CMYA5: variants seen among roughly 807,000 people sequenced by gnomAD.
The protein encoded by CMYA5 is cardiomyopathy associated 5.
In CMYA5, 246 loss-of-function variants were observed where a neutral mutation model predicts 318.9. The ratio of observed to expected loss-of-function variants is 0.77; its 90% CI spans 0.70 to 0.86. CMYA5 has a LOEUF of 0.86. CMYA5 is among the 40% of genes least tolerant of loss of function. The pLI is 0.00. For missense variants in CMYA5, 4,589 were observed against 4,678.2 expected (o/e 0.98, Z 0.56); for synonymous variants, 1,641 against 1,729.5 (o/e 0.95, Z 1.27).
Position 79,799,595 on chromosome 5 carries a change from G to A in CMYA5, c.12189G>A (p.Pro4063=), listed in dbSNP as rs372178595. 111 of 1,612,858 alleles carry A rather than the reference G, an allele frequency of 6.9e-5. No individual in the cohort carries two copies. The African/African-American group carries it at 1.2e-3, about 17-fold the overall frequency. Reference sequence around the variant, plus strand: ...CTTTGCACCTGGGGATAGAGCCCCCGGATTCTGTAAGGCACAAGTGATCCT... The same window carrying A: ...CTTTGCACCTGGGGATAGAGCCCCCAGATTCTGTAAGGCACAAGTGATCCT... ...KCTLHLGIEP[P]DSVRHK The change falls in exon 13 of 13, where the codon CCG becomes CCA. Residue 4063 remains proline (P), a synonymous_variant. Transcript: ENST00000446378.
chr5:79,742,255 T>C (rs1828231808), intron 2 of CMYA5, among the ~76,000 whole-genome samples: 1 of 151,340 alleles, frequency 6.6e-6, no homozygotes, highest in Non-Finnish European at 1.5e-5. Context: ...AGCGGCGTGA[T>C]CATCATAGCT....
At chr5:79,754,008 C>T (rs1003123089) in intron 6 of CMYA5, among the ~76,000 whole-genome samples, 2 of 152,070 alleles carry the variant, frequency 1.3e-5, no homozygotes, top group Admixed American at 6.6e-5. Flanking sequence ...AATGAGAGGA[C>T]GTTTAATATA....
chr5:79,716,703 A>G (rs562200020), intron 1 of CMYA5, among the ~76,000 whole-genome samples: 2 of 152,366 alleles, frequency 1.3e-5, no homozygotes, highest in East Asian at 3.9e-4. Flanking sequence ...ACAAACAACA[A>G]CTAAAACTAA....
Position 79,736,039 on chromosome 5 carries a change from G to A in CMYA5, c.7274G>A (p.Ser2425Asn). The A allele has an allele frequency of 1.2e-6, 2 of 1,612,852 alleles. No individual in the cohort carries two copies. Among genetic ancestry groups the A allele is most frequent in the South Asian group, 2.2e-5 (2 of 90,618 alleles). ...EESKGSLIDFSEDRLKKEMQN... is the reference protein window; with the variant it reads ...EESKGSLIDFNEDRLKKEMQN... The stretch of plus-strand genomic sequence containing the variant: ...TCAAAAGGCAGTTTAATTGATTTCA[G>A]TGAAGACAGACTCAAGAAAGAAATG... The change falls in exon 2 of 13, where the codon AGT becomes AAT. Residue 2425 changes from serine to asparagine, a missense_variant. By Grantham distance (46) the Ser-to-Asn change is conservative. Transcript: ENST00000446378.
intron 1 of CMYA5, among the ~76,000 whole-genome samples, chr5:79,718,567 A>G (rs1827563562): frequency 1.3e-5 from 2 of 152,200 alleles, no homozygotes; most frequent in South Asian, 4.1e-4. Flanking sequence ...TTGAGAGAAT[A>G]AAGCATCATG....
Position 79,799,756 on chromosome 5 carries a change from T to C in CMYA5, c.*140T>C, listed in dbSNP as rs2151102719. 1 of 1,149,662 alleles carries C rather than the reference T, an allele frequency of 8.7e-7. No individual in the cohort carries two copies. The highest frequency in any genetic ancestry group is 1.7e-5 in the South Asian group (1 of 57,914). The allele number at this position is 1,149,662 out of a possible 1,614,324, so 71.2% of individuals were successfully genotyped here. ...ATGGCTGCATGCATAGCAATCAGCATGTGAGCAAAATCGACAAGAAAACCT... is the reference window on the plus strand; with the variant it reads ...ATGGCTGCATGCATAGCAATCAGCACGTGAGCAAAATCGACAAGAAAACCT... On this transcript the variant is annotated 3_prime_UTR_variant, in exon 13 of 13. Transcript: ENST00000446378.
In CMYA5 at chr5:79,729,423, G is replaced by T; in HGVS notation, c.658G>T (p.Val220Phe). 1 of 1,613,684 alleles carries T rather than the reference G, an allele frequency of 6.2e-7. No homozygotes were observed. The highest frequency in any genetic ancestry group is 8.5e-7 in the Non-Finnish European group (1 of 1,179,666). ...KEHKPLVLRP[V>F]YIGTVQYKIK... Reference sequence around the variant, plus strand: ...ACACAAGCCATTAGTGTTAAGACCAGTCTACATAGGAACAGTACAATATAA... The same window carrying T: ...ACACAAGCCATTAGTGTTAAGACCATTCTACATAGGAACAGTACAATATAA... Residue 220 changes from valine (V) to phenylalanine (F), a missense_variant, in exon 2 of 13, where the codon GTC becomes TTC. Physicochemically the swap from Val to Phe is conservative, Grantham distance 50. Coordinates refer to ENST00000446378, the MANE Select transcript of CMYA5 (RefSeq NM_153610.5).
intron 12 of CMYA5, among the ~76,000 whole-genome samples, chr5:79,798,299 G>T (rs1211573292): frequency 6.6e-6 from 1 of 151,874 alleles, no homozygotes; most frequent in Admixed American, 6.6e-5. Flanking sequence ...AACTGCCCTG[G>T]TGTTGCTGTG....
intron 6 of CMYA5, among the ~76,000 whole-genome samples, chr5:79,757,106 A>T (rs1471658483): frequency 2.6e-5 from 4 of 151,620 alleles, no homozygotes; most frequent in Non-Finnish European, 5.9e-5. Flanking sequence ...CAGGCAGCAG[A>T]ATTGATTGAA....
At chr5:79,758,953 A>C in intron 7 of CMYA5, 51 bp downstream of exon 7, 1 of 1,422,272 alleles carries the variant, frequency 7.0e-7, no homozygotes, top group Non-Finnish European at 9.4e-7. Context: ...ATGCATCTTC[A>C]TGTGAAGTAT....
At chr5:79,741,341 A>G (rs1828203609) in intron 2 of CMYA5, among the ~76,000 whole-genome samples, 1 of 152,210 alleles carries the variant, frequency 6.6e-6, no homozygotes, top group Non-Finnish European at 1.5e-5. Context: ...GCCAGAGCTC[A>G]TGTTCTTGAC....
At chr5:79,759,127 A>G (rs1231159121) in intron 7 of CMYA5, among the ~76,000 whole-genome samples, 1 of 152,266 alleles carries the variant, frequency 6.6e-6, no homozygotes, top group African/African-American at 2.4e-5. Context: ...ATAATAGTCA[A>G]CACAAATATT....
chr5:79,758,747 T>A lies in CMYA5; in HGVS notation c.11111-6T>A. ...TTAGTTACAATAAAACTTGTTTATATTCCAGTTCCACAGCCTCCTAGATTA... is the reference window on the plus strand; with the variant it reads ...TTAGTTACAATAAAACTTGTTTATAATCCAGTTCCACAGCCTCCTAGATTA... On this transcript the variant is annotated splice_polypyrimidine_tract_variant and splice_region_variant and intron_variant, in intron 6 of 12. Transcript: ENST00000446378. 1 of 1,587,864 alleles carries A rather than the reference T, an allele frequency of 6.3e-7. No individual in the cohort carries two copies. The highest frequency in any genetic ancestry group is 8.5e-7 in the Non-Finnish European group (1 of 1,169,848).
intron 6 of CMYA5, among the ~76,000 whole-genome samples, chr5:79,757,740 A>T (rs1828558373): frequency 6.6e-6 from 1 of 152,222 alleles, no homozygotes; most frequent in African/African-American, 2.4e-5. Context: ...TTTTGTTTTG[A>T]AGGATAAGCA....
intron 1 of CMYA5, among the ~76,000 whole-genome samples, chr5:79,707,683 T>G (rs1827299985): frequency 6.6e-6 from 1 of 152,202 alleles, no homozygotes; most frequent in South Asian, 2.1e-4. Context: ...ACATATCATT[T>G]CCACATAACT....
chr5:79,798,158 A>G (rs1829305867), intron 12 of CMYA5, among the ~76,000 whole-genome samples: 1 of 151,810 alleles, frequency 6.6e-6, no homozygotes, highest in South Asian at 2.1e-4. Flanking sequence ...TCTTTCTGCA[A>G]TGAAGTTGCC....
At position 79,697,116 on chromosome 5, in the gene CMYA5, G is replaced by C. The variant is rs907302186; in HGVS notation, c.149+7060G>C. Among the ~76,000 whole-genome samples, 7 of 152,222 alleles carry C rather than the reference G, an allele frequency of 4.6e-5. No homozygotes were observed. The East Asian group carries it at 1.3e-3, about 29-fold the overall frequency. On this transcript the variant is annotated intron_variant, in intron 1 of 12. Coordinates refer to ENST00000446378, the MANE Select transcript of CMYA5 (RefSeq NM_153610.5). The stretch of plus-strand genomic sequence containing the variant: ...ATATAAACATGTAGTGAACAAAACA[G>C]GTGAAGTTATTAATCCTCAAAGTTT...
intron 1 of CMYA5, among the ~76,000 whole-genome samples, chr5:79,701,335 T>C (rs754996322): frequency 6.6e-6 from 1 of 152,108 alleles, no homozygotes; most frequent in Non-Finnish European, 1.5e-5. Flanking sequence ...GACTGTACAT[T>C]TCAAAATATC....
At position 79,739,343 on chromosome 5, in the gene CMYA5, G is replaced by A. The variant is rs1828166029; in HGVS notation, c.10578G>A (p.Val3526=). The change falls in exon 2 of 13, where the codon GTG becomes GTA. Residue 3526 remains valine (V), a synonymous_variant. Coordinates refer to ENST00000446378, the MANE Select transcript of CMYA5 (RefSeq NM_153610.5). ...CKCPISATDK[V]FGTHKDHEVS... ...GTCCAATTTCTGCCACTGACAAGGTGTTTGGCACCCACAAAGACCATGAAG... is the reference window on the plus strand; with the variant it reads ...GTCCAATTTCTGCCACTGACAAGGTATTTGGCACCCACAAAGACCATGAAG... The A allele has an allele frequency of 7.6e-6, 12 of 1,571,694 alleles. No homozygotes were observed. Among genetic ancestry groups the A allele is most frequent in the Non-Finnish European group, 1.0e-5 (12 of 1,158,756 alleles).
Sources: gnomAD v4.1 joint callset for allele counts (sites outside exome capture counted in the v4.1 genomes callset) on GRCh38, gnomAD v4.1.1 for gene constraint, MANE v1.5 for transcripts, NCBI Gene and HGNC (gene_info 2026-07-23, HGNC 2026-07-21) for gene names.